Variants in VIPR2 observed in about 807,000 individuals in gnomAD.
The protein encoded by VIPR2 is vasoactive intestinal polypeptide receptor 2.
VIPR2 carries 48 observed loss-of-function variants against 58.0 expected under a neutral mutation model. The observed-to-expected ratio is 0.83, with a 90% CI of 0.66 to 1.05. The LOEUF is 1.05. Ranked by LOEUF, VIPR2 falls within the 50% of genes least tolerant of loss-of-function variation. The pLI is 0.00. For missense variants in VIPR2, 534 were observed against 558.0 expected (o/e 0.96, Z 0.43); for synonymous variants, 243 against 235.2 (o/e 1.03, Z -0.30).
chr7:159,078,281 A>C (rs1343169144), intron 4 of VIPR2, among the ~76,000 whole-genome samples: 4 of 152,144 alleles, frequency 2.6e-5, no homozygotes, highest in Non-Finnish European at 5.9e-5. Context: ...TCCAACTAGT[A>C]ACCTTTTTTT....
chr7:159,063,915 G>A (rs1270696618), intron 4 of VIPR2, among the ~76,000 whole-genome samples: 5 of 142,932 alleles, frequency 3.5e-5, no homozygotes, highest in Non-Finnish European at 7.7e-5. Flanking sequence ...GTTCCTGGAG[G>A]GATGTGGGGT....
At chr7:159,117,328 G>A in intron 2 of VIPR2, 1 of 717,510 alleles carries the variant, frequency 1.4e-6, no homozygotes, top group Non-Finnish European at 2.6e-6. Context: ...CACTGGTCAT[G>A]GAGCCAATGG....
chr7:159,130,688 T>G (rs73730178), intron 2 of VIPR2, among the ~76,000 whole-genome samples: 23 of 152,320 alleles, frequency 1.5e-4, no homozygotes, highest in African/African-American at 5.3e-4. Flanking sequence ...AACAACTCGG[T>G]CTCCCACATG....
chr7:159,092,531 C>G (rs1278598159), intron 4 of VIPR2, among the ~76,000 whole-genome samples: 7 of 152,290 alleles, frequency 4.6e-5, no homozygotes, highest in East Asian at 1.9e-4. Context: ...AGAGTCTTGA[C>G]TCATTCCAAA....
Position 159,028,484 on chromosome 7 carries a change from C to T in VIPR2, c.*2132G>A, listed in dbSNP as rs1062610. The T allele has an allele frequency of 0.43, 64,831 of 152,486 alleles. 16,600 individuals are homozygous for T. Among genetic ancestry groups the T allele is most frequent in the Non-Finnish European group, 0.58 (39,505 of 68,198 alleles). The allele number at this position is 152,486 out of a possible 1,614,324, so 9.4% of individuals were successfully genotyped here. ...ACCAGTGCCTGGTAACCACCTGACA[C>T]GTCCACTCACGCCCACTTCCTCAGC... On this transcript the variant is annotated 3_prime_UTR_variant, in exon 13 of 13. Transcript: ENST00000262178.
chr7:159,082,565 A>T (rs1338457869), intron 4 of VIPR2, among the ~76,000 whole-genome samples: 1 of 152,218 alleles, frequency 6.6e-6, no homozygotes, highest in Non-Finnish European at 1.5e-5. Context: ...ACATGTATAC[A>T]TATGTAACAA....
At chr7:159,037,108 C>A (rs1010491501) in intron 6 of VIPR2, among the ~76,000 whole-genome samples, 2 of 152,170 alleles carry the variant, frequency 1.3e-5, no homozygotes, top group East Asian at 1.9e-4. Flanking sequence ...TTTGTATCCG[C>A]GGCTCCAGAG....
rs1029570219 is a variant in VIPR2 at position 159,030,938 on chromosome 7, TG to T, written c.1144-150del. The T allele has an allele frequency of 1.7e-4, 194 of 1,127,516 alleles. No individual in the cohort carries two copies. The African/African-American group carries it at 2.8e-3, about 16-fold the overall frequency. The allele number at this position is 1,127,516 out of a possible 1,614,324, so 69.8% of individuals were successfully genotyped here. On this transcript the variant is annotated intron_variant, in intron 12 of 12. Transcript: ENST00000262178. Reference sequence around the variant, plus strand: ...AGATGGACAGAAACAGAAACGGCCTTGGGGGCAGAGGCTGGAGGGAGCGGGA... The same window carrying T: ...AGATGGACAGAAACAGAAACGGCCTTGGGGCAGAGGCTGGAGGGAGCGGGA...
chr7:159,126,718 G>A (rs991068948), intron 2 of VIPR2, among the ~76,000 whole-genome samples: 1 of 152,212 alleles, frequency 6.6e-6, no homozygotes, highest in Non-Finnish European at 1.5e-5. Context: ...ACTGTCCACA[G>A]AGGCAGAAAC....
Position 159,031,004 on chromosome 7 carries a change from C to CT in VIPR2, c.1144-216dup, listed in dbSNP as rs1303504654. On this transcript the variant is annotated intron_variant, in intron 12 of 12. Transcript: ENST00000262178. This position sits in a 1 kb window ranked among gnomAD's most constrained non-coding sequence, Gnocchi z 4.0. ...GGAGGGCGGGGGACGCTGCCAGACT[C>CT]TAAGACTGTGCGTGGGTGGTTCGGG... is the stretch of plus-strand genomic sequence containing the variant. Among the ~76,000 whole-genome samples the CT allele has an allele frequency of 2.0e-5, 3 of 152,256 alleles. No homozygotes were observed. Among genetic ancestry groups the CT allele is most frequent in the Non-Finnish European group, 4.4e-5 (3 of 68,044 alleles).
chr7:159,083,540 G>A (rs953552476), intron 4 of VIPR2, among the ~76,000 whole-genome samples: 2 of 152,158 alleles, frequency 1.3e-5, no homozygotes, highest in African/African-American at 2.4e-5. Flanking sequence ...CACAGCACGC[G>A]GGTTCAACAG....
In VIPR2 at chr7:159,119,241, C is replaced by G. The variant is rs367629669; in HGVS notation, c.152-9322G>C. Among the ~76,000 whole-genome samples the G allele has an allele frequency of 5.3e-5, 8 of 152,276 alleles. No homozygotes were observed. The East Asian group carries it at 5.8e-4, about 11-fold the overall frequency. ...GGCCCAGGCATGCAGGGGTCCCGCC[C>G]CACAGCTCCTGGCTGCCCCTGAGCA... is the stretch of plus-strand genomic sequence containing the variant. On this transcript the variant is annotated intron_variant, in intron 2 of 12. Transcript: ENST00000262178.
chr7:159,099,286 A>C lies in VIPR2; in HGVS notation c.357+4471T>G, dbSNP rs530990144. Among the ~76,000 whole-genome samples the C allele has an allele frequency of 6.6e-6, 1 of 152,358 alleles. No individual in the cohort carries two copies. The highest frequency in any genetic ancestry group is 2.4e-5 in the African/African-American group (1 of 41,586). On this transcript the variant is annotated intron_variant, in intron 4 of 12. Transcript: ENST00000262178. This position sits in a 1 kb window ranked among gnomAD's most constrained non-coding sequence, Gnocchi z 4.2. ...GAAGAAAAATAGTTCTTCAGACTAA[A>C]CAGCAAAGCATCAGGGGATCACAGA...
chr7:159,082,106 C>T (rs1163180018), intron 4 of VIPR2, among the ~76,000 whole-genome samples: 1 of 152,202 alleles, frequency 6.6e-6, no homozygotes, highest in African/African-American at 2.4e-5. Context: ...CCAGCCATCC[C>T]ATTACTGGGT....
chr7:159,067,799 C>T (rs760344708), intron 4 of VIPR2, among the ~76,000 whole-genome samples: 4 of 152,208 alleles, frequency 2.6e-5, no homozygotes, highest in Non-Finnish European at 4.4e-5. Flanking sequence ...AACCAAGATC[C>T]TGTCGAGGCC....
chr7:159,071,189 G>A (rs564758861), intron 4 of VIPR2, among the ~76,000 whole-genome samples: 1 of 152,328 alleles, frequency 6.6e-6, no homozygotes, highest in East Asian at 1.9e-4. Context: ...ATGAGGAACT[G>A]TGCACACTTT....
At chr7:159,103,720 T>C in intron 4 of VIPR2, 37 bp downstream of exon 4, 1 of 1,532,914 alleles carries the variant, frequency 6.5e-7, no homozygotes, top group Non-Finnish European at 9.0e-7. Context: ...TGTTAGGAAG[T>C]GGAACCTCAC....
intron 4 of VIPR2, among the ~76,000 whole-genome samples, chr7:159,086,885 G>A (rs1322891000): frequency 6.6e-6 from 1 of 152,226 alleles, no homozygotes; most frequent in Non-Finnish European, 1.5e-5. Context: ...GGCTGGTTGT[G>A]ACACCAGCAG....
chr7:159,140,246 C>G (rs1316000466), intron 2 of VIPR2, among the ~76,000 whole-genome samples: 1 of 152,064 alleles, frequency 6.6e-6, no homozygotes, highest in Non-Finnish European at 1.5e-5. Context: ...TGTAACAGAC[C>G]CTCAGTATCT....
Sources: gnomAD v4.1 joint callset for allele counts (sites outside exome capture counted in the v4.1 genomes callset) on GRCh38, gnomAD v4.1.1 for gene constraint, Gnocchi (gnomAD v3.1) non-coding constraint, MANE v1.5 for transcripts, NCBI Gene and HGNC (gene_info 2026-07-23, HGNC 2026-07-21) for gene names.